Variants in IL19 observed in about 807,000 individuals in gnomAD.
IL19 encodes interleukin-19.
IL19 carries 15 observed loss-of-function variants against 19.5 expected under a neutral mutation model. That is an observed-to-expected ratio of 0.77 (90% CI 0.52 to 1.19). The LOEUF (loss-of-function observed/expected upper bound fraction) is 1.19. Among genes scored for constraint, IL19 ranks in the 50% most tolerant of loss-of-function variants. IL19 has a pLI of 0.00. For missense variants in IL19, 199 were observed against 213.1 expected (o/e 0.93, Z 0.41); for synonymous variants, 78 against 78.3 (o/e 1.00, Z 0.02).
intron 1 of IL19, among the ~76,000 whole-genome samples, chr1:206,776,435 T>TGTGTGTGTGTGTGTGTGTGC (rs1289151549): frequency 1.3e-5 from 2 of 151,768 alleles, no homozygotes; most frequent in Non-Finnish European, 2.9e-5. Context: ...GGGGTGTGTG[T>TGTGTGTGTGTGTGTGTGTGC]GTGTGTGTGT....
intron 2 of IL19, among the ~76,000 whole-genome samples, chr1:206,835,880 G>A (rs1676774151): frequency 6.6e-6 from 1 of 152,254 alleles, no homozygotes. Context: ...GTTAAATGAA[G>A]AGGCAGCAAG....
At chr1:206,838,630 C>T (rs1375685634) in intron 4 of IL19, among the ~76,000 whole-genome samples, 1 of 152,108 alleles carries the variant, frequency 6.6e-6, no homozygotes. Context: ...GAACAGACCC[C>T]CAAATATATG....
Position 206,781,439 on chromosome 1 carries a change from G to GA in IL19, c.-149+10370dup, listed in dbSNP as rs1273966156. Among the ~76,000 whole-genome samples the GA allele has an allele frequency of 1.7e-3, 185 of 109,222 alleles. 4 individuals are homozygous for GA. The South Asian group carries it at 0.041, about 24-fold the overall frequency. 71.7% of individuals were successfully genotyped at this position (109,222 alleles called of 152,430 possible). On this transcript the variant is annotated intron_variant, in intron 1 of 6. Coordinates refer to ENST00000659997, the MANE Select transcript of IL19 (RefSeq NM_153758.5). ...CAAAAAAAAAAAAAAAAAAAAAAAA[G>GA]AAAAAAAAAGAAAAAAAAGAGAGAG...
chr1:206,780,552 G>C (rs530741335), intron 1 of IL19, among the ~76,000 whole-genome samples: 1 of 152,272 alleles, frequency 6.6e-6, no homozygotes, highest in South Asian at 2.1e-4. Flanking sequence ...ACTAATTAGT[G>C]CTCTTCCAGG....
intron 2 of IL19, among the ~76,000 whole-genome samples, chr1:206,800,450 G>T (rs1398169984): frequency 1.3e-5 from 2 of 152,218 alleles, no homozygotes; most frequent in Middle Eastern, 3.2e-3. Flanking sequence ...TGGGGAGGAA[G>T]TGCCGTAAGA....
chr1:206,807,707 T>C (rs1675884764), intron 2 of IL19, among the ~76,000 whole-genome samples: 1 of 138,244 alleles, frequency 7.2e-6, no homozygotes, highest in African/African-American at 2.7e-5. Flanking sequence ...TCTTAGAGTA[T>C]GAACCCCACA....
chr1:206,777,941 C>A (rs1057446641), intron 1 of IL19, among the ~76,000 whole-genome samples: 2 of 152,216 alleles, frequency 1.3e-5, no homozygotes, highest in African/African-American at 4.8e-5. Context: ...CTATCACACA[C>A]CCAAAGTGTG....
At chr1:206,818,682 A>G (rs1676221558) in intron 2 of IL19, among the ~76,000 whole-genome samples, 1 of 152,200 alleles carries the variant, frequency 6.6e-6, no homozygotes, top group Non-Finnish European at 1.5e-5. Flanking sequence ...CAAATTGTAC[A>G]CTTTCGTTAC....
chr1:206,830,740 G>A (rs1366313145), intron 2 of IL19, among the ~76,000 whole-genome samples: 1 of 152,092 alleles, frequency 6.6e-6, no homozygotes, highest in Non-Finnish European at 1.5e-5. Context: ...ACCACGCCAG[G>A]CTAATTTTTT....
intron 1 of IL19, among the ~76,000 whole-genome samples, chr1:206,798,061 G>A (rs1017906930): frequency 6.6e-6 from 1 of 152,216 alleles, no homozygotes; most frequent in Non-Finnish European, 1.5e-5. Context: ...AGGTGGAGTT[G>A]AAGGAGGAAG....
At chr1:206,819,238 A>G (rs1676235196) in intron 2 of IL19, among the ~76,000 whole-genome samples, 1 of 152,082 alleles carries the variant, frequency 6.6e-6, no homozygotes, top group South Asian at 2.1e-4. Flanking sequence ...ACTGTTCAAT[A>G]TAATAACCTA....
At position 206,832,217 on chromosome 1, in the gene IL19, T is replaced by C. The variant is rs1004299134; in HGVS notation, c.-2-4444T>C. On this transcript the variant is annotated intron_variant, in intron 2 of 6. Transcript: ENST00000659997. Reference sequence around the variant, plus strand: ...TCCTAACAAAGGTGTCTTCTCCTTTTCCAGGTGCCTGGCACACAGGATAGA... The same window carrying C: ...TCCTAACAAAGGTGTCTTCTCCTTTCCCAGGTGCCTGGCACACAGGATAGA... Among the ~76,000 whole-genome samples, 12 of 152,396 alleles carry C rather than the reference T, an allele frequency of 7.9e-5. No individual in the cohort carries two copies. The East Asian group carries it at 2.1e-3, about 27-fold the overall frequency.
At chr1:206,834,200 C>T in intron 2 of IL19, 1 of 985,098 alleles carries the variant, frequency 1.0e-6, no homozygotes, top group Non-Finnish European at 1.2e-6. Flanking sequence ...TCAGCTATAT[C>T]TTAAAGAAGA....
chr1:206,812,815 TATTA>T (rs1676047871), intron 2 of IL19, among the ~76,000 whole-genome samples: 1 of 152,238 alleles, frequency 6.6e-6, no homozygotes, highest in African/African-American at 2.4e-5. Context: ...TATTTGTATA[TATTA>T]ATTATTTTAT....
intron 4 of IL19, among the ~76,000 whole-genome samples, chr1:206,838,192 G>T (rs149569445): frequency 6.2e-4 from 94 of 152,284 alleles, no homozygotes; most frequent in African/African-American, 2.1e-3. Context: ...GACAGGAGGT[G>T]ATGAAAGTAT....
intron 2 of IL19, among the ~76,000 whole-genome samples, chr1:206,807,603 AGTTTCCTTT>A (rs1427060347): frequency 7.2e-5 from 11 of 152,190 alleles, no homozygotes; most frequent in African/African-American, 2.7e-4. Context: ...TCTGAAAATA[AGTTTCCTTT>A]GTTTTTTTGG....
intron 2 of IL19, among the ~76,000 whole-genome samples, chr1:206,831,989 A>G (rs1256404166): frequency 6.6e-6 from 1 of 152,238 alleles, no homozygotes; most frequent in East Asian, 1.9e-4. Flanking sequence ...ATCCCCTTAC[A>G]TGTGCAGCTG....
At chr1:206,835,370 T>A (rs1052293468) in intron 2 of IL19, among the ~76,000 whole-genome samples, 3 of 152,238 alleles carry the variant, frequency 2.0e-5, no homozygotes, top group Non-Finnish European at 4.4e-5. Flanking sequence ...GCTTAATGCC[T>A]GCCACGTGGT....
intron 1 of IL19, among the ~76,000 whole-genome samples, chr1:206,795,112 G>T (rs1675492834): frequency 6.6e-6 from 1 of 152,174 alleles, no homozygotes; most frequent in Non-Finnish European, 1.5e-5. Flanking sequence ...AGGCATAGGG[G>T]CCAGTCTAGA....
Sources: gnomAD v4.1 joint callset for allele counts (sites outside exome capture counted in the v4.1 genomes callset) on GRCh38, gnomAD v4.1.1 for gene constraint, MANE v1.5 for transcripts, NCBI Gene and HGNC (gene_info 2026-07-23, HGNC 2026-07-21) for gene names.